Variants in TTLL5 observed in about 807,000 individuals in gnomAD.
TTLL5 encodes tubulin polyglutamylase TTLL5.
A neutral mutation model predicts 168.4 loss-of-function variants in TTLL5; 132 were observed. The observed-to-expected ratio is 0.78, with a 90% CI of 0.68 to 0.91. The LOEUF is 0.91. Among genes scored for constraint, TTLL5 ranks in the 40% least tolerant of loss-of-function variants. The pLI is 0.00. For missense variants in TTLL5, 1,545 were observed against 1,581.5 expected, an observed-to-expected ratio of 0.98 and a Z score of 0.39; for synonymous variants, 546 against 558.6, an observed-to-expected ratio of 0.98 and a Z score of 0.32.
At chr14:75,835,696 G>T (rs779189576) in intron 28 of TTLL5, 5 of 152,160 alleles carry the variant, frequency 3.3e-5, no homozygotes, top group Non-Finnish European at 7.4e-5. Context: ...AAACAACTCT[G>T]TAGGAAAAAA....
intron 28 of TTLL5, among the ~76,000 whole-genome samples, chr14:75,851,718 C>T (rs1012218130): frequency 2.6e-5 from 4 of 152,218 alleles, no homozygotes. Context: ...TACTCTCCTG[C>T]TCACACATCT....
chr14:75,941,274 T>G lies in TTLL5; in HGVS notation c.3824-13150T>G, dbSNP rs1281542819. On this transcript the variant is annotated intron_variant, in intron 31 of 31. Coordinates refer to ENST00000298832, the MANE Select transcript of TTLL5 (RefSeq NM_015072.5). Reference sequence around the variant, plus strand: ...TCATGAAATGGATCTGATGTTCTTGTGCCTGTGTTATTCATTCCAACATAC... The same window carrying G: ...TCATGAAATGGATCTGATGTTCTTGGGCCTGTGTTATTCATTCCAACATAC... 5.9e-5 allele frequency: 9 copies of G among 152,242 alleles called. 1 individual carries two copies. Among genetic ancestry groups the G allele is most frequent in the Admixed American group, 5.2e-4 (8 of 15,278 alleles). 9.4% of individuals were successfully genotyped at this position (152,242 alleles called of 1,614,324 possible). A position where few individuals can be genotyped will look rare whatever the true frequency, so the allele number is the denominator to read the frequency against.
chr14:75,678,066 T>G (rs1014562250), intron 3 of TTLL5, among the ~76,000 whole-genome samples: 2 of 152,232 alleles, frequency 1.3e-5, no homozygotes, highest in African/African-American at 4.8e-5. Flanking sequence ...TTGGGTTCAG[T>G]CCTTATTTCT....
At chr14:75,929,939 A>G (rs765718393) in intron 31 of TTLL5, among the ~76,000 whole-genome samples, 34 of 152,166 alleles carry the variant, frequency 2.2e-4, no homozygotes, top group Admixed American at 3.3e-4. Context: ...CAAACTTCAA[A>G]TCTCATTATT....
At chr14:75,661,877 T>C (rs886711287) in intron 1 of TTLL5, among the ~76,000 whole-genome samples, 1 of 152,116 alleles carries the variant, frequency 6.6e-6, no homozygotes, top group African/African-American at 2.4e-5. Context: ...TGTTTTTTTT[T>C]TGTCTTATTT....
intron 18 of TTLL5, among the ~76,000 whole-genome samples, chr14:75,759,188 C>T (rs1044396564): frequency 5.3e-5 from 8 of 152,068 alleles, no homozygotes; most frequent in African/African-American, 1.9e-4. Flanking sequence ...ATAGATTCAA[C>T]AGACATAAAG....
At chr14:75,848,500 G>T (rs1297409267) in intron 28 of TTLL5, among the ~76,000 whole-genome samples, 1 of 152,158 alleles carries the variant, frequency 6.6e-6, no homozygotes, top group African/African-American at 2.4e-5. Flanking sequence ...CTTTTCCCTT[G>T]ATTTGATAAA....
At chr14:75,720,153 C>T (rs542058177) in intron 11 of TTLL5, among the ~76,000 whole-genome samples, 3 of 152,238 alleles carry the variant, frequency 2.0e-5, no homozygotes, top group South Asian at 4.2e-4. Context: ...CCCCAAGTTT[C>T]GAGTTTTCTA....
chr14:75,948,628 A>G (rs958292784), intron 31 of TTLL5, among the ~76,000 whole-genome samples: 1 of 152,200 alleles, frequency 6.6e-6, no homozygotes, highest in Non-Finnish European at 1.5e-5. Flanking sequence ...ATCTGGTTTA[A>G]GAAGTTAAAA....
intron 31 of TTLL5, among the ~76,000 whole-genome samples, chr14:75,906,389 T>C (rs952744116): frequency 1.3e-5 from 2 of 152,180 alleles, no homozygotes; most frequent in African/African-American, 2.4e-5. Flanking sequence ...ACTTTTACGC[T>C]GTTCAAAAGC....
At chr14:75,795,187 C>G (rs1334087452) in intron 27 of TTLL5, among the ~76,000 whole-genome samples, 1 of 152,216 alleles carries the variant, frequency 6.6e-6, no homozygotes, top group Non-Finnish European at 1.5e-5. Context: ...CTCAACTTCT[C>G]TTAACCTCAG....
In TTLL5 at chr14:75,779,626, T is replaced by G. The variant is rs374776244; in HGVS notation, c.2439T>G (p.Ser813=). The change falls in exon 24 of 32, where the codon TCT becomes TCG. Residue 813 remains serine (S), a synonymous_variant. Coordinates refer to ENST00000298832, the MANE Select transcript of TTLL5 (RefSeq NM_015072.5). ...VLTFYTQKNK[S]ASVFLGTHSK... The stretch of plus-strand genomic sequence containing the variant: ...CTTTTTATACCCAAAAGAACAAGTC[T>G]GCTAGTGTCTTCCTGGGGACTCACT... 7.4e-5 allele frequency: 120 copies of G among 1,613,734 alleles called. No homozygotes were observed. Among genetic ancestry groups the G allele is most frequent in the Middle Eastern group, 6.6e-4 (4 of 6,082 alleles).
At chr14:75,690,964 C>T (rs1418573293) in intron 6 of TTLL5, among the ~76,000 whole-genome samples, 2 of 152,202 alleles carry the variant, frequency 1.3e-5, no homozygotes, top group Admixed American at 1.3e-4. Flanking sequence ...TACATGCTTC[C>T]TTTTCGGTAT....
chr14:75,889,773 TGAGCCAA>T (rs2140048148), intron 30 of TTLL5, among the ~76,000 whole-genome samples: 1 of 136,840 alleles, frequency 7.3e-6, no homozygotes, highest in Non-Finnish European at 1.5e-5. Flanking sequence ...GAGGTTGCAG[TGAGCCAA>T]GATTGCGCCA....
chr14:75,687,994 A>G (rs1028888923), intron 5 of TTLL5, among the ~76,000 whole-genome samples: 4 of 152,328 alleles, frequency 2.6e-5, no homozygotes, highest in African/African-American at 9.6e-5. Flanking sequence ...GCAGAGTGGT[A>G]TAGCCACTCT....
At chr14:75,862,246 T>A (rs1290971266) in intron 28 of TTLL5, among the ~76,000 whole-genome samples, 1 of 152,244 alleles carries the variant, frequency 6.6e-6, no homozygotes, top group Non-Finnish European at 1.5e-5. Context: ...TGATGGACAT[T>A]TGGGTTGTTT....
chr14:75,756,962 T>G (rs1478037247), intron 18 of TTLL5, among the ~76,000 whole-genome samples: 1 of 150,504 alleles, frequency 6.6e-6, no homozygotes, highest in Non-Finnish European at 1.5e-5. Context: ...CAATAGAGGT[T>G]TTGTTGTTGT....
intron 5 of TTLL5, 99 bp downstream of exon 5, chr14:75,683,755 GA>G: frequency 1.2e-6 from 1 of 812,056 alleles, no homozygotes. Context: ...AGAGGAAGAT[GA>G]AAATGAAGAA....
At chr14:75,845,649 A>C (rs1174574456) in intron 28 of TTLL5, among the ~76,000 whole-genome samples, 3 of 152,200 alleles carry the variant, frequency 2.0e-5, no homozygotes, top group Non-Finnish European at 4.4e-5. Flanking sequence ...TGCTGAACAC[A>C]GGGTTGTAAT....
Sources: gnomAD v4.1 joint callset for allele counts (sites outside exome capture counted in the v4.1 genomes callset) on GRCh38, gnomAD v4.1.1 for gene constraint, MANE v1.5 for transcripts, NCBI Gene and HGNC (gene_info 2026-07-23, HGNC 2026-07-21) for gene names.